ADGRL4: variants seen among roughly 807,000 people sequenced by gnomAD.
ADGRL4 encodes EGF, latrophilin and seven transmembrane domain containing 1.
Under a neutral mutation model 74.8 loss-of-function variants are expected in ADGRL4, and 90 were observed. The observed-to-expected ratio is 1.20, with a 90% CI of 1.02 to 1.43. The LOEUF (loss-of-function observed/expected upper bound fraction) is 1.43. ADGRL4 is among the 40% of genes most tolerant of loss of function. ADGRL4 has a pLI of 0.00. For missense variants in ADGRL4, 881 were observed against 814.3 expected (o/e 1.08, Z -1.00); for synonymous variants, 311 against 279.2 (o/e 1.11, Z -1.14).
chr1:78,933,582 C>A (rs529344328), intron 7 of ADGRL4, among the ~76,000 whole-genome samples: 2 of 151,338 alleles, frequency 1.3e-5, no homozygotes, highest in South Asian at 4.1e-4. Context: ...CTGGCCAGGG[C>A]AATCAGGCAA....
chr1:78,998,415 G>GCAGTGC (rs1165163753), intron 2 of ADGRL4, among the ~76,000 whole-genome samples: 2 of 138,632 alleles, frequency 1.4e-5, no homozygotes, highest in Non-Finnish European at 3.0e-5. Context: ...CTGTTGCCAG[G>GCAGTGC]CTGGAGTGCA....
At chr1:78,980,702 G>T (rs1169649575) in intron 2 of ADGRL4, among the ~76,000 whole-genome samples, 1 of 151,746 alleles carries the variant, frequency 6.6e-6, no homozygotes, top group African/African-American at 2.4e-5. Flanking sequence ...TCACAGAATC[G>T]CAAGGCTGGA....
chr1:78,999,739 C>T (rs903410463), intron 2 of ADGRL4, among the ~76,000 whole-genome samples: 3 of 151,998 alleles, frequency 2.0e-5, no homozygotes, highest in Admixed American at 1.3e-4. Flanking sequence ...TTTTTATTGT[C>T]ATTGATCCCT....
At chr1:78,913,062 C>T (rs532353827) in intron 12 of ADGRL4, among the ~76,000 whole-genome samples, 3 of 151,816 alleles carry the variant, frequency 2.0e-5, no homozygotes, top group East Asian at 2.0e-4. Context: ...ATCATCAGAG[C>T]AATGCAAATC....
In ADGRL4 at chr1:78,998,557, A is replaced by G. The variant is rs528841223; in HGVS notation, c.172+6513T>C. Reference sequence around the variant, plus strand: ...GCTAATTTTTGTATTTTTAGTAGAGACGGGGTTTCACCATGTTTGCCAGGA... The same window carrying G: ...GCTAATTTTTGTATTTTTAGTAGAGGCGGGGTTTCACCATGTTTGCCAGGA... On this transcript the variant is annotated intron_variant, in intron 2 of 14. Transcript: ENST00000370742. Among the ~76,000 whole-genome samples, 35 of 151,534 alleles carry G rather than the reference A, an allele frequency of 2.3e-4. No individual in the cohort carries two copies. In the East Asian group the frequency reaches 6.6e-3, roughly 29 times the overall value.
chr1:78,891,386 T>C (rs1648269580), intron 14 of ADGRL4, 138 bp downstream of exon 14: 1 of 1,217,206 alleles, frequency 8.2e-7, no homozygotes. Flanking sequence ...TTTAAAAGCA[T>C]ATTTTCCTAT....
chr1:78,971,147 TTAG>T (rs1258389911), intron 2 of ADGRL4, among the ~76,000 whole-genome samples: 4 of 152,156 alleles, frequency 2.6e-5, no homozygotes, highest in Non-Finnish European at 5.9e-5. Flanking sequence ...CTGGGAACCC[TTAG>T]ATAGGCCTCT....
chr1:78,936,519 T>A, intron 6 of ADGRL4, 108 bp from the exon 7 acceptor site: 2 of 999,646 alleles, frequency 2.0e-6, no homozygotes, highest in Non-Finnish European at 2.8e-6. Flanking sequence ...TGTTTTAAAT[T>A]ATTTATAACA....
chr1:78,950,072 T>C (rs1439307220), intron 2 of ADGRL4, among the ~76,000 whole-genome samples: 1 of 152,024 alleles, frequency 6.6e-6, no homozygotes, highest in Non-Finnish European at 1.5e-5. Flanking sequence ...AAAAGAGGTA[T>C]TTAGTAGTAC....
intron 7 of ADGRL4, among the ~76,000 whole-genome samples, chr1:78,932,234 ACAG>A (rs1649257705): frequency 6.6e-6 from 1 of 151,552 alleles, no homozygotes; most frequent in African/African-American, 2.5e-5. Flanking sequence ...CTCTCAGATT[ACAG>A]TGCATTCAAA....
intron 2 of ADGRL4, among the ~76,000 whole-genome samples, chr1:78,971,481 G>A (rs945729322): frequency 6.6e-6 from 1 of 152,018 alleles, no homozygotes; most frequent in African/African-American, 2.4e-5. Flanking sequence ...GAAAAGCCTG[G>A]CCTCTCTCCC....
chr1:78,924,282 C>T (rs1005451237), intron 8 of ADGRL4, among the ~76,000 whole-genome samples: 7 of 151,782 alleles, frequency 4.6e-5, no homozygotes, highest in South Asian at 4.2e-4. Context: ...TGTGTGTCTG[C>T]GTGTATATGT....
intron 12 of ADGRL4, among the ~76,000 whole-genome samples, chr1:78,896,223 T>G (rs534596677): frequency 6.6e-6 from 1 of 152,282 alleles, no homozygotes; most frequent in African/African-American, 2.4e-5. Flanking sequence ...TGTTTTTCTC[T>G]ATAGAATACT....
At chr1:78,940,514 C>G (rs1022775705) in intron 3 of ADGRL4, among the ~76,000 whole-genome samples, 1 of 152,012 alleles carries the variant, frequency 6.6e-6, no homozygotes, top group Admixed American at 6.6e-5. Context: ...GTGAAATATG[C>G]TTCACATTAT....
At chr1:78,920,428 C>A (rs1648973031) in intron 9 of ADGRL4, 42 bp from the exon 10 acceptor site, 16 of 1,285,132 alleles carry the variant, frequency 1.2e-5, no homozygotes, top group South Asian at 4.1e-5. Context: ...GAATAACTCA[C>A]TAAGTTGTCA....
intron 2 of ADGRL4, among the ~76,000 whole-genome samples, chr1:78,981,441 A>T (rs1274779994): frequency 2.0e-5 from 3 of 151,916 alleles, no homozygotes; most frequent in Non-Finnish European, 4.4e-5. Context: ...ATAAAGTTAT[A>T]TTGCAACTAT....
intron 2 of ADGRL4, among the ~76,000 whole-genome samples, chr1:78,963,576 C>T (rs1280704111): frequency 6.6e-6 from 1 of 152,108 alleles, no homozygotes; most frequent in African/African-American, 2.4e-5. Flanking sequence ...GTTTTATACC[C>T]TCCAGATCAA....
intron 3 of ADGRL4, among the ~76,000 whole-genome samples, chr1:78,944,980 C>A (rs894235615): frequency 1.3e-5 from 2 of 151,820 alleles, no homozygotes; most frequent in Non-Finnish European, 2.9e-5. Context: ...GCCTGGGCAA[C>A]ACGGTAAAAC....
intron 2 of ADGRL4, among the ~76,000 whole-genome samples, chr1:78,981,742 C>G (rs1217269767): frequency 6.6e-6 from 1 of 151,592 alleles, no homozygotes; most frequent in African/African-American, 2.4e-5. Flanking sequence ...ATAAAAGTGT[C>G]TGCTATGAAT....
Sources: gnomAD v4.1 joint callset for allele counts (sites outside exome capture counted in the v4.1 genomes callset) on GRCh38, gnomAD v4.1.1 for gene constraint, MANE v1.5 for transcripts, NCBI Gene and HGNC (gene_info 2026-07-23, HGNC 2026-07-21) for gene names.